Variants in SUMF1 observed in about 807,000 individuals in gnomAD.
SUMF1 encodes formylglycine-generating enzyme.
A neutral mutation model predicts 47.6 loss-of-function variants in SUMF1; 48 were observed. The ratio of observed to expected loss-of-function variants is 1.01; its 90% CI spans 0.80 to 1.28. The LOEUF (loss-of-function observed/expected upper bound fraction) is 1.28. Among genes scored for constraint, SUMF1 ranks in the 50% most tolerant of loss-of-function variants. The pLI is 0.00. For synonymous variants in SUMF1, 230 were observed against 192.1 expected, an observed-to-expected ratio of 1.20 and a Z score of -1.63; for missense variants, 571 against 485.4, an observed-to-expected ratio of 1.18 and a Z score of -1.66.
At chr3:4,063,215 C>T (rs1695302664) in intron 9 of SUMF1, among the ~76,000 whole-genome samples, 1 of 152,012 alleles carries the variant, frequency 6.6e-6, no homozygotes, top group Non-Finnish European at 1.5e-5. Flanking sequence ...TCTAAATGCC[C>T]ACACATCAAC....
chr3:4,269,052 T>A (rs181744691), intron 8 of SUMF1, among the ~76,000 whole-genome samples: 2 of 152,154 alleles, frequency 1.3e-5, no homozygotes, highest in Admixed American at 6.6e-5. Context: ...GAAAGGGAAG[T>A]GAACATACCT....
intron 8 of SUMF1, chr3:4,303,334 G>A: frequency 2.0e-6 from 3 of 1,510,148 alleles, no homozygotes; most frequent in Non-Finnish European, 2.6e-6. Flanking sequence ...CGCGGCCCAG[G>A]ACTGTCAGGG....
chr3:4,345,762 C>T (rs536565286), intron 8 of SUMF1, among the ~76,000 whole-genome samples: 2 of 152,124 alleles, frequency 1.3e-5, no homozygotes, highest in South Asian at 2.1e-4. Flanking sequence ...GAGTCAAGAC[C>T]CATCAGCATG....
At chr3:4,146,526 T>C (rs1290895754) in intron 8 of SUMF1, among the ~76,000 whole-genome samples, 1 of 152,040 alleles carries the variant, frequency 6.6e-6, no homozygotes, top group Non-Finnish European at 1.5e-5. Flanking sequence ...ACCAAGACTC[T>C]TGGAATTTCT....
intron 3 of SUMF1, among the ~76,000 whole-genome samples, chr3:4,424,852 A>T (rs1369840720): frequency 3.9e-5 from 6 of 152,242 alleles, no homozygotes; most frequent in African/African-American, 7.2e-5. Context: ...ACTATTAGAC[A>T]TTTTTAGAAT....
intron 3 of SUMF1, among the ~76,000 whole-genome samples, chr3:4,441,905 C>A (rs1429717806): frequency 6.6e-6 from 1 of 152,152 alleles, no homozygotes; most frequent in Non-Finnish European, 1.5e-5. Flanking sequence ...AACTAGAGAG[C>A]AATACCCAAA....
intron 8 of SUMF1, among the ~76,000 whole-genome samples, chr3:4,080,842 C>G (rs1692544293): frequency 6.6e-6 from 1 of 152,106 alleles, no homozygotes. Context: ...TGATGTCTTT[C>G]AAAGAAGTAT....
intron 3 of SUMF1, among the ~76,000 whole-genome samples, chr3:4,423,962 C>G (rs956054784): frequency 3.9e-5 from 6 of 152,178 alleles, no homozygotes; most frequent in Non-Finnish European, 7.4e-5. Flanking sequence ...AAAGCTGATA[C>G]CAGAGCTACG....
At chr3:4,170,740 C>A (rs777109858) in intron 8 of SUMF1, among the ~76,000 whole-genome samples, 1 of 152,116 alleles carries the variant, frequency 6.6e-6, no homozygotes, top group Non-Finnish European at 1.5e-5. Context: ...AAAGAATTGT[C>A]TTTTCAACAA....
rs1053357825 is a variant in SUMF1 at position 4,118,378 on chromosome 3, T to C, written c.1015-49633A>G. 9.0e-5 allele frequency among the ~76,000 whole-genome samples: 13 copies of C among 143,894 alleles called. 1 individual carries two copies. Among genetic ancestry groups the C allele is most frequent in the South Asian group, 2.2e-4 (1 of 4,544 alleles). The allele number at this position is 143,894 out of a possible 152,430, so 94.4% of individuals were successfully genotyped here. On this transcript the variant is annotated intron_variant and NMD_transcript_variant, in intron 8 of 12. Transcript: ENST00000448413. ...ATTCAGTCAAGGAAACTCCAAAATA[T>C]AGAGCCAAAAAAAAATCAAAGAAAT...
chr3:4,161,676 T>C (rs1694580589), intron 8 of SUMF1, among the ~76,000 whole-genome samples: 5 of 151,944 alleles, frequency 3.3e-5, no homozygotes, highest in African/African-American at 1.2e-4. Context: ...CTGCCAGGCC[T>C]GACACTCACC....
intron 8 of SUMF1, among the ~76,000 whole-genome samples, chr3:4,146,747 T>C (rs1295104905): frequency 6.6e-6 from 1 of 150,814 alleles, no homozygotes; most frequent in Non-Finnish European, 1.5e-5. Context: ...CTATGTGTTC[T>C]CACTGTTCAA....
At chr3:4,206,925 C>T (rs1695666622) in intron 8 of SUMF1, among the ~76,000 whole-genome samples, 1 of 152,052 alleles carries the variant, frequency 6.6e-6, no homozygotes, top group Non-Finnish European at 1.5e-5. Flanking sequence ...TATGTTGAAT[C>T]TATAAATCAA....
chr3:4,413,093 G>A (rs1053179902), intron 6 of SUMF1, among the ~76,000 whole-genome samples: 17 of 151,628 alleles, frequency 1.1e-4, no homozygotes, highest in African/African-American at 2.7e-4. Context: ...CAACCTCAAC[G>A]TCCCAGGCTC....
chr3:4,103,272 C>T (rs1176717184), intron 8 of SUMF1, among the ~76,000 whole-genome samples: 3 of 151,892 alleles, frequency 2.0e-5, no homozygotes, highest in East Asian at 3.9e-4. Context: ...TTATGTTTCT[C>T]CTCAAAAAGC....
chr3:4,430,167 T>G (rs1702189422), intron 3 of SUMF1, among the ~76,000 whole-genome samples: 1 of 152,158 alleles, frequency 6.6e-6, no homozygotes, highest in South Asian at 2.1e-4. Context: ...TTCCTGACAG[T>G]TTTCCATAAG....
At chr3:4,303,964 TGTGGGCTCTTGGGCGA>T in intron 8 of SUMF1, 1 of 836,636 alleles carries the variant, frequency 1.2e-6, no homozygotes, top group East Asian at 8.1e-5. Flanking sequence ...TCCCTCACGC[TGTGGGCTCTTGGGCGA>T]GTGTAAATTA....
At chr3:4,156,067 G>A (rs2125109571) in intron 8 of SUMF1, among the ~76,000 whole-genome samples, 1 of 151,594 alleles carries the variant, frequency 6.6e-6, no homozygotes, top group East Asian at 1.9e-4. Context: ...AAGTAACTTG[G>A]CTTATGAAAT....
chr3:4,177,609 C>A (rs1265793543), intron 8 of SUMF1, among the ~76,000 whole-genome samples: 1 of 152,028 alleles, frequency 6.6e-6, no homozygotes, highest in Non-Finnish European at 1.5e-5. Flanking sequence ...AATCAACACC[C>A]TAATATCACA....
Sources: allele counts gnomAD v4.1 joint callset (sites outside exome capture counted in the v4.1 genomes callset), GRCh38; gene constraint gnomAD v4.1.1; transcripts MANE v1.5; gene names NCBI Gene and HGNC (gene_info 2026-07-23, HGNC 2026-07-21).